The following SEPTIN3 variants were observed in gnomAD, a reference collection of about 807,000 sequenced individuals.
SEPTIN3 encodes neuronal-specific septin-3.
A neutral mutation model predicts 45.1 loss-of-function variants in SEPTIN3; 15 were observed. That is an observed-to-expected ratio of 0.33 (90% CI 0.22 to 0.51). The LOEUF (loss-of-function observed/expected upper bound fraction) is 0.51. Among genes scored for constraint, SEPTIN3 ranks in the 20% least tolerant of loss-of-function variants. SEPTIN3 has a pLI of 0.97. For missense variants in SEPTIN3, 289 were observed against 457.2 expected (o/e 0.63, Z 3.35); for synonymous variants, 148 against 164.8 (o/e 0.90, Z 0.78).
Position 41,986,067 on chromosome 22 carries a change from G to T in SEPTIN3, c.1780G>T (p.Glu594Ter). The change falls in exon 4 of 12, where the codon GAG becomes TAG. Residue 594 changes from glutamate (E) to a stop codon, truncating the protein, a stop_gained. Transcript: ENST00000644076. LOFTEE classifies it high-confidence loss of function. ...CCGCAAGGCCTCCAGCTGGAACCGG[G>T]AGGAGAAGATCCCCAAGACAGTGGA... ...VSRKASSWNR[E>*]EKIPKTVEIK... is the part of the protein sequence containing the mutation. The T allele has an allele frequency of 6.2e-7, 1 of 1,613,864 alleles. No homozygotes were observed. Among genetic ancestry groups the T allele is most frequent in the Non-Finnish European group, 8.5e-7 (1 of 1,179,872 alleles).
chr22:41,979,085 C>T (rs910688140), intron 2 of SEPTIN3, among the ~76,000 whole-genome samples: 8 of 152,144 alleles, frequency 5.3e-5, no homozygotes, highest in Admixed American at 2.6e-4. Flanking sequence ...TGCCAGCAGG[C>T]GCTGTGTACA....
At chr22:41,977,115 G>T in intron 2 of SEPTIN3, 1 of 1,581,322 alleles carries the variant, frequency 6.3e-7, no homozygotes, top group East Asian at 2.3e-5. Flanking sequence ...GCCAGGAGGA[G>T]GCTGCGGCCC....
At chr22:41,990,127 G>A (rs1225086484) in intron 7 of SEPTIN3, among the ~76,000 whole-genome samples, 2 of 150,980 alleles carry the variant, frequency 1.3e-5, no homozygotes, top group African/African-American at 4.9e-5. Flanking sequence ...TGCAAGCTCC[G>A]CCTTACGGGT....
At chr22:41,996,618 G>A (rs1569442354) in intron 11 of SEPTIN3, 1 of 1,188,952 alleles carries the variant, frequency 8.4e-7, no homozygotes, top group Non-Finnish European at 1.0e-6. Context: ...CAAAGTTACA[G>A]GGTAGGCACC....
At chr22:41,996,669 A>G (rs1010566342) in intron 11 of SEPTIN3, 32 of 1,388,770 alleles carry the variant, frequency 2.3e-5, no homozygotes, top group Middle Eastern at 4.0e-4. Context: ...CCCAGAGGTT[A>G]TACATTTCAA....
chr22:41,986,216 C>A lies in SEPTIN3; in HGVS notation c.1825+104C>A, dbSNP rs1476752922. ...GAAGAATAAGATCAATAAAAGGCAACCTTAAGACAAAACAGACGTGAGCAC... is the reference window on the plus strand; with the variant it reads ...GAAGAATAAGATCAATAAAAGGCAAACTTAAGACAAAACAGACGTGAGCAC... On this transcript the variant is annotated intron_variant, in intron 4 of 11. Transcript: ENST00000644076. 5 of 1,403,426 alleles carry A rather than the reference C, an allele frequency of 3.6e-6. No individual in the cohort carries two copies. The Admixed American group carries it at 8.7e-5, about 24-fold the overall frequency. 86.9% of individuals were successfully genotyped at this position (1,403,426 alleles called of 1,614,324 possible).
chr22:41,986,707 T>C (rs1428121868), intron 4 of SEPTIN3, among the ~76,000 whole-genome samples: 3 of 152,046 alleles, frequency 2.0e-5, no homozygotes, highest in Non-Finnish European at 2.9e-5. Context: ...TTCACTGTGT[T>C]AGCCAGGATG....
intron 2 of SEPTIN3, among the ~76,000 whole-genome samples, chr22:41,974,141 CAA>C (rs35615355): frequency 1.7e-4 from 22 of 126,030 alleles, no homozygotes; most frequent in South Asian, 2.5e-4. Context: ...GACCCTGTCT[CAA>C]AAAAAAAAAA....
In SEPTIN3 at chr22:41,991,256, G is replaced by C. The variant is rs146328892; in HGVS notation, c.2164-317G>C. Reference sequence around the variant, plus strand: ...CATGCAGGGGTCTGAGCACTCCCCAGTGGGCTCACCTGTGCTGCTTGTGTA... The same window carrying C: ...CATGCAGGGGTCTGAGCACTCCCCACTGGGCTCACCTGTGCTGCTTGTGTA... On this transcript the variant is annotated intron_variant, in intron 7 of 11. Coordinates refer to ENST00000644076, the MANE Select transcript of SEPTIN3 (RefSeq NM_001363845.2). Among the ~76,000 whole-genome samples, 208 of 152,256 alleles carry C rather than the reference G, an allele frequency of 1.4e-3. 2 individuals carry two copies. The East Asian group carries it at 0.015, about 11-fold the overall frequency.
chr22:41,977,720 A>G (rs1006469253), intron 2 of SEPTIN3, among the ~76,000 whole-genome samples: 1 of 152,046 alleles, frequency 6.6e-6, no homozygotes, highest in Non-Finnish European at 1.5e-5. Flanking sequence ...GGCCTGCACT[A>G]AGCAGGTGCT....
Position 41,994,850 on chromosome 22 carries a change from A to ACAGGCCTGTC in SEPTIN3, c.2505+137_2505+146dup. ...ACCTTCTTCCTCTCAACTCTGTCCC[A>ACAGGCCTGTC]CAGGCCTGTCTGGTATTTGTGGAGC... is the stretch of plus-strand genomic sequence containing the variant. On this transcript the variant is annotated intron_variant, in intron 11 of 11. Transcript: ENST00000644076. The surrounding 1 kb of genome is among the most constrained non-coding windows in gnomAD (Gnocchi z 4.2). 1 of 1,581,406 alleles carries ACAGGCCTGTC rather than the reference A, an allele frequency of 6.3e-7. No homozygotes were observed. The highest frequency in any genetic ancestry group is 8.6e-7 in the Non-Finnish European group (1 of 1,167,606).
At position 41,981,882 on chromosome 22, in the gene SEPTIN3, C is replaced by T. The variant is rs1301026227; in HGVS notation, c.1696+46C>T. 3 of 1,538,170 alleles carry T rather than the reference C, an allele frequency of 2.0e-6. No homozygotes were observed. The Admixed American group carries it at 5.2e-5, about 27-fold the overall frequency. Reference sequence around the variant, plus strand: ...GCTGCAGGCCTGGTGGCGGGCAGCACCAAGGATCCCATTTCTTTCCCCCAA... The same window carrying T: ...GCTGCAGGCCTGGTGGCGGGCAGCATCAAGGATCCCATTTCTTTCCCCCAA... On this transcript the variant is annotated intron_variant, in intron 3 of 11. Coordinates refer to ENST00000644076, the MANE Select transcript of SEPTIN3 (RefSeq NM_001363845.2).
At chr22:41,989,495 C>T (rs2078267152) in intron 6 of SEPTIN3, 72 bp from the exon 7 acceptor site, 1 of 963,360 alleles carries the variant, frequency 1.0e-6, no homozygotes, top group African/African-American at 1.6e-5. Context: ...TGTGGGTGTC[C>T]TGGAGTGGTG....
chr22:41,975,447 G>A (rs2078008884), intron 2 of SEPTIN3, among the ~76,000 whole-genome samples: 2 of 152,164 alleles, frequency 1.3e-5, no homozygotes, highest in South Asian at 2.1e-4. Context: ...CCTAAATTCT[G>A]GTCTTCACTT....
intron 2 of SEPTIN3, among the ~76,000 whole-genome samples, chr22:41,979,118 T>C (rs911001243): frequency 1.3e-5 from 2 of 152,150 alleles, no homozygotes; most frequent in African/African-American, 4.8e-5. Context: ...GGTGCTCATA[T>C]GTGCTTGTTG....
intron 2 of SEPTIN3, among the ~76,000 whole-genome samples, chr22:41,980,904 C>T (rs1450665572): frequency 6.6e-6 from 1 of 152,160 alleles, no homozygotes; most frequent in Non-Finnish European, 1.5e-5. Flanking sequence ...GGGAGGGTGT[C>T]TGGGCTCCTT....
chr22:41,995,970 G>T, intron 11 of SEPTIN3: 1 of 985,084 alleles, frequency 1.0e-6, no homozygotes, highest in Non-Finnish European at 1.2e-6. Context: ...ACAAATTTTT[G>T]ACCACACCTC....
intron 11 of SEPTIN3, 199 bp from the exon 12 acceptor site, chr22:41,996,703 G>A: frequency 6.9e-7 from 1 of 1,451,954 alleles, no homozygotes; most frequent in Non-Finnish European, 9.0e-7. Flanking sequence ...CTTGGCTACT[G>A]TAGAAGCAGT....
At chr22:41,996,764 T>C in intron 11 of SEPTIN3, 138 bp from the exon 12 acceptor site, 2 of 1,521,258 alleles carry the variant, frequency 1.3e-6, no homozygotes, top group Non-Finnish European at 1.8e-6. Flanking sequence ...GCATGGGAGG[T>C]GGGCGTTGGA....
Sources: allele counts gnomAD v4.1 joint callset (sites outside exome capture counted in the v4.1 genomes callset), GRCh38; gene constraint gnomAD v4.1.1; non-coding constraint Gnocchi (gnomAD v3.1); transcripts MANE v1.5; gene names NCBI Gene and HGNC (gene_info 2026-07-23, HGNC 2026-07-21).